NF1: variants seen among roughly 807,000 people sequenced by gnomAD.
NF1 encodes neurofibromin 1.
NF1 carries 122 observed loss-of-function variants against 325.7 expected under a neutral mutation model. The ratio of observed to expected loss-of-function variants is 0.37; its 90% CI spans 0.32 to 0.44. The LOEUF (loss-of-function observed/expected upper bound fraction) is 0.44. Among genes scored for constraint, NF1 ranks in the 20% least tolerant of loss-of-function variants. The pLI is 1.00. For synonymous variants in NF1, 1,091 were observed against 1,186.0 expected (o/e 0.92, Z 1.65); for missense variants, 2,140 against 3,415.4 (o/e 0.63, Z 9.31).
chr17:31,292,226 G>A (rs1157040281), intron 36 of NF1, among the ~76,000 whole-genome samples: 1 of 152,132 alleles, frequency 6.6e-6, no homozygotes, highest in Non-Finnish European at 1.5e-5. Context: ...ATAGATGTAT[G>A]TGTATATAGG....
Position 31,350,234 on chromosome 17 carries a change from G to A in NF1, c.7373G>A (p.Arg2458Lys), listed in dbSNP as rs1555536130. 1 of 1,613,852 alleles carries A rather than the reference G, an allele frequency of 6.2e-7. No homozygotes were observed. Among genetic ancestry groups the A allele is most frequent in the Non-Finnish European group, 8.5e-7 (1 of 1,179,816 alleles). ...EVRSRCSLKH[R>K]KSLLLTDISM... The stretch of plus-strand genomic sequence containing the variant: ...CGAAGTCGCTGCAGCCTAAAACATA[G>A]AAAGTCACTTCTTCTTACTGATATT... The change falls in exon 50 of 58, where the codon AGA becomes AAA. Residue 2458 changes from arginine (R) to lysine (K), a missense_variant. This residue lies in a region of NF1 where 522 missense variants were observed against 749.0 expected (regional missense o/e 0.70). Transcript: ENST00000358273.
chr17:31,353,012 A>G (rs1421712210), intron 51 of NF1, among the ~76,000 whole-genome samples: 1 of 151,914 alleles, frequency 6.6e-6, no homozygotes, highest in Admixed American at 6.6e-5. Context: ...GGGCTCAAGC[A>G]ATTCTCCTGC....
At chr17:31,298,455 C>T (rs1457172362) in intron 36 of NF1, among the ~76,000 whole-genome samples, 1 of 152,046 alleles carries the variant, frequency 6.6e-6, no homozygotes, top group South Asian at 2.1e-4. Context: ...TTGTTTTTCT[C>T]TAAATTATAT....
chr17:31,200,339 C>T, intron 8 of NF1, 83 bp from the exon 9 acceptor site: 1 of 1,273,880 alleles, frequency 7.9e-7, no homozygotes, highest in Non-Finnish European at 1.1e-6. Flanking sequence ...GTTTTAGAGG[C>T]TGTTAATTTG....
At chr17:31,264,216 T>G (rs2151469009) in intron 35 of NF1, among the ~76,000 whole-genome samples, 1 of 152,214 alleles carries the variant, frequency 6.6e-6, no homozygotes, top group East Asian at 1.9e-4. Context: ...CTGGCCAGCA[T>G]GGCGAAACCC....
At chr17:31,164,926 T>A (rs993331946) in intron 4 of NF1, among the ~76,000 whole-genome samples, 2 of 152,212 alleles carry the variant, frequency 1.3e-5, no homozygotes, top group African/African-American at 2.4e-5. Context: ...AATAATACAG[T>A]GGTTGAGTCA....
intron 38 of NF1, 57 bp downstream of exon 38, chr17:31,327,896 G>T: frequency 6.7e-7 from 1 of 1,496,890 alleles, no homozygotes. Flanking sequence ...TTTAAAATGA[G>T]ACCATTTAAT....
chr17:31,287,787 C>G (rs1193262744), intron 36 of NF1, among the ~76,000 whole-genome samples: 1 of 151,938 alleles, frequency 6.6e-6, no homozygotes, highest in African/African-American at 2.4e-5. Flanking sequence ...AGTCTGCCCA[C>G]CTCGGCTTCC....
intron 36 of NF1, chr17:31,272,341 A>G (rs1448704849): frequency 6.6e-6 from 1 of 152,274 alleles, no homozygotes; most frequent in Non-Finnish European, 1.5e-5. Flanking sequence ...CAGTGTTCAT[A>G]TTCATAGTTG....
At chr17:31,290,761 T>C (rs2068328962) in intron 36 of NF1, among the ~76,000 whole-genome samples, 2 of 152,108 alleles carry the variant, frequency 1.3e-5, no homozygotes, top group African/African-American at 4.8e-5. Flanking sequence ...ATCCCAGCAC[T>C]TTGGGAGGCC....
chr17:31,189,641 T>G (rs2066304836), intron 8 of NF1, among the ~76,000 whole-genome samples: 1 of 152,170 alleles, frequency 6.6e-6, no homozygotes, highest in South Asian at 2.1e-4. Flanking sequence ...ATTCAGCATG[T>G]TATGTTTTTG....
In NF1 at chr17:31,227,208, A is replaced by G. The variant is rs2067030183; in HGVS notation, c.2252-10A>G. On this transcript the variant is annotated splice_polypyrimidine_tract_variant and intron_variant, in intron 18 of 57. Coordinates refer to ENST00000358273, the MANE Select transcript of NF1 (RefSeq NM_001042492.3). ...GTGCAGTAACTTGATTTGCTGTTGTATTTGCTTAGGAAGAGCAGCACTTCA... is the reference window on the plus strand; with the variant it reads ...GTGCAGTAACTTGATTTGCTGTTGTGTTTGCTTAGGAAGAGCAGCACTTCA... 3 of 1,613,472 alleles carry G rather than the reference A, an allele frequency of 1.9e-6. No individual in the cohort carries two copies. The highest frequency in any genetic ancestry group is 2.5e-6 in the Non-Finnish European group (3 of 1,179,552).
At chr17:31,197,861 G>A (rs1597677628) in intron 8 of NF1, among the ~76,000 whole-genome samples, 1 of 152,198 alleles carries the variant, frequency 6.6e-6, no homozygotes, top group Admixed American at 6.5e-5. Context: ...GAAAAAGTGG[G>A]CATCCTCATC....
At chr17:31,145,653 C>T (rs549068143) in intron 1 of NF1, among the ~76,000 whole-genome samples, 37 of 151,966 alleles carry the variant, frequency 2.4e-4, no homozygotes, top group Admixed American at 7.2e-4. Flanking sequence ...TTAGTAGGAG[C>T]CTGGGGGGCC....
chr17:31,232,244 A>C (rs1360853037), intron 25 of NF1, 55 bp downstream of exon 25: 9 of 1,078,854 alleles, frequency 8.3e-6, no homozygotes, highest in Non-Finnish European at 1.3e-5. Context: ...GCCCCCCACC[A>C]CACAAAAAAA....
intron 57 of NF1, among the ~76,000 whole-genome samples, chr17:31,371,357 T>C (rs2070633947): frequency 6.6e-6 from 1 of 151,902 alleles, no homozygotes; most frequent in African/African-American, 2.4e-5. Flanking sequence ...TAATGCATCA[T>C]GAAGGAAAAG....
intron 1 of NF1, among the ~76,000 whole-genome samples, chr17:31,131,425 G>A (rs760531122): frequency 1.7e-4 from 26 of 152,158 alleles, no homozygotes; most frequent in Non-Finnish European, 2.6e-4. Flanking sequence ...GTCCCGGTGC[G>A]TGGTAGCCCT....
At chr17:31,357,868 TTTC>T (rs1257512747) in intron 54 of NF1, 1 of 165,104 alleles carries the variant, frequency 6.1e-6, no homozygotes, top group African/African-American at 2.4e-5. Flanking sequence ...ATGTCATTAT[TTTC>T]TTTTTTTAAT....
intron 36 of NF1, among the ~76,000 whole-genome samples, chr17:31,301,563 C>T (rs536626485): frequency 6.6e-6 from 1 of 152,304 alleles, no homozygotes; most frequent in South Asian, 2.1e-4. Context: ...TCACCCTCAT[C>T]TAATTCATTT....
Sources: gnomAD v4.1 joint callset for allele counts (sites outside exome capture counted in the v4.1 genomes callset) on GRCh38, gnomAD v4.1.1 for gene constraint, gnomAD v4.1.1 regional missense constraint, MANE v1.5 for transcripts, NCBI Gene and HGNC (gene_info 2026-07-23, HGNC 2026-07-21) for gene names.